The following UBR1 variants were observed in gnomAD, a reference collection of about 807,000 sequenced individuals.
UBR1 encodes the protein E3 ubiquitin-protein ligase UBR1.
Under a neutral mutation model 242.1 loss-of-function variants are expected in UBR1, and 102 were observed. The observed-to-expected ratio is 0.42, with a 90% confidence interval of 0.36 to 0.50. UBR1 has a LOEUF of 0.50. Ranked by LOEUF, UBR1 falls within the 20% of genes least tolerant of loss-of-function variation. The probability of loss-of-function intolerance (pLI) is 0.01; values close to 1 mark genes in which losing one functional copy is unlikely to be tolerated. For synonymous variants in UBR1, 675 were observed against 684.8 expected (o/e 0.99, Z 0.22); for missense variants, 1,772 against 2,101.8 (o/e 0.84, Z 3.07).
rs963044429 is a variant in UBR1 at position 43,003,479 on chromosome 15, C to A, written c.3509+358G>T. 87 of 337,254 alleles carry A rather than the reference C, an allele frequency of 2.6e-4. No individual in the cohort carries two copies. In the East Asian group the frequency reaches 2.6e-3, roughly 10 times the overall value. The allele number at this position is 337,254 out of a possible 1,614,324, so 20.9% of individuals were successfully genotyped here. ...CCACGTTGGCCAGGCTGGTCTCAAA[C>A]TCCTGACCTCAGGTGATCCTCCTGC... On this transcript the variant is annotated intron_variant, in intron 31 of 46. Transcript: ENST00000290650.
intron 5 of UBR1, among the ~76,000 whole-genome samples, chr15:43,068,364 AT>A (rs2033782317): frequency 6.6e-6 from 1 of 151,376 alleles, no homozygotes; most frequent in Non-Finnish European, 1.5e-5. Context: ...TAATTTTTGT[AT>A]TTTTTGTAGA....
intron 35 of UBR1, among the ~76,000 whole-genome samples, chr15:42,985,413 C>T (rs1238437948): frequency 6.6e-6 from 1 of 151,966 alleles, no homozygotes; most frequent in African/African-American, 2.4e-5. Context: ...AGTGCAATGG[C>T]GCGATCTCGG....
At chr15:42,960,109 T>G (rs1250056762) in intron 43 of UBR1, among the ~76,000 whole-genome samples, 5 of 152,154 alleles carry the variant, frequency 3.3e-5, no homozygotes, top group African/African-American at 1.2e-4. Flanking sequence ...GAGACTATAT[T>G]AGGGGAGGCT....
chr15:43,064,273 CAG>C (rs2033726145), intron 6 of UBR1, among the ~76,000 whole-genome samples: 2 of 152,150 alleles, frequency 1.3e-5, no homozygotes, highest in Non-Finnish European at 2.9e-5. Flanking sequence ...TTGAAGAAAA[CAG>C]AGGAAAGCAA....
Position 43,002,551 on chromosome 15 carries a change from A to G in UBR1, c.3659+4T>C. 1 of 1,613,704 alleles carries G rather than the reference A, an allele frequency of 6.2e-7. No individual in the cohort carries two copies. The highest frequency in any genetic ancestry group is 2.2e-5 in the East Asian group (1 of 44,864). ...AATTAACCAAAACATAAATTAAAAT[A>G]TACCTGTTTATCTTTTGAGGTTGCA... On this transcript the variant is annotated splice_donor_region_variant and intron_variant, in intron 32 of 46. Coordinates refer to ENST00000290650, the MANE Select transcript of UBR1 (RefSeq NM_174916.3).
At chr15:43,101,992 A>AAAAC (rs1491023877) in intron 1 of UBR1, among the ~76,000 whole-genome samples, 1 of 149,214 alleles carries the variant, frequency 6.7e-6, no homozygotes, top group African/African-American at 2.5e-5. Context: ...AAAAAAAAAA[A>AAAAC]AGCCAGGCAT....
chr15:43,038,286 T>G, intron 15 of UBR1, 54 bp from the exon 16 acceptor site: 2 of 1,542,862 alleles, frequency 1.3e-6, no homozygotes, highest in Non-Finnish European at 1.8e-6. Flanking sequence ...ATTTGTTAAC[T>G]AGTTAACTCA....
chr15:43,066,343 A>AG (rs2033752043), intron 6 of UBR1, among the ~76,000 whole-genome samples: 1 of 152,184 alleles, frequency 6.6e-6, no homozygotes, highest in African/African-American at 2.4e-5. Context: ...CTTTTGTACC[A>AG]GTACCATGCT....
intron 36 of UBR1, 69 bp from the exon 37 acceptor site, chr15:42,984,062 AG>A: frequency 7.7e-7 from 1 of 1,299,296 alleles, no homozygotes; most frequent in East Asian, 2.5e-5. Flanking sequence ...TCCACTTAAG[AG>A]TTGGTAAAAA....
rs985792161 is a variant in UBR1, at chr15:43,070,838, T to C, written c.616A>G (p.Ile206Val). 1.2e-6 allele frequency: 2 copies of C among 1,613,888 alleles called. No individual in the cohort carries two copies. Among genetic ancestry groups the C allele is most frequent in the Non-Finnish European group, 1.7e-6 (2 of 1,179,986 alleles). ...SVIKYVVEMTIWEEEKELPPE... is the reference protein window; with the variant it reads ...SVIKYVVEMTVWEEEKELPPE... The stretch of plus-strand genomic sequence containing the variant: ...GGCAGTTCTTTTTCCTCTTCCCATA[T>C]AGTCATTTCTACGACATATTTTATC... The change falls in exon 5 of 47, where the codon ATA becomes GTA. Residue 206 changes from isoleucine (I) to valine (V), a missense_variant. Around this residue, in one of 3 missense-constraint regions of UBR1, gnomAD observed 734 missense variants for 893.3 expected, o/e 0.82. Coordinates refer to ENST00000290650, the MANE Select transcript of UBR1 (RefSeq NM_174916.3).
chr15:42,965,240 A>C (rs531896865), intron 41 of UBR1, among the ~76,000 whole-genome samples: 9 of 152,298 alleles, frequency 5.9e-5, no homozygotes, highest in Admixed American at 5.9e-4. Context: ...CTTATTCTCA[A>C]AGGACAAAAG....
rs1053447941 is a variant in UBR1, at chr15:43,085,996, G to C, written c.326C>G (p.Thr109Ser). The change falls in exon 2 of 47, where the codon ACC becomes AGC. Residue 109 changes from threonine to serine, a missense_variant. This residue lies in a region of UBR1 where 734 missense variants were observed against 893.3 expected (regional missense o/e 0.82). Coordinates refer to ENST00000290650, the MANE Select transcript of UBR1 (RefSeq NM_174916.3). ...CGRVFKSGET[T>S]YSCRDCAIDP... Reference sequence around the variant, plus strand: ...TTCTAATTCTTACCTGCAAGAATAGGTTGTCTCTCCACTTTTGAAAACCCT... The same window carrying C: ...TTCTAATTCTTACCTGCAAGAATAGCTTGTCTCTCCACTTTTGAAAACCCT... 6.2e-7 allele frequency: 1 copy of C among 1,613,654 alleles called. No individual in the cohort carries two copies. The highest frequency in any genetic ancestry group is 8.5e-7 in the Non-Finnish European group (1 of 1,179,934).
At position 43,070,928 on chromosome 15, in the gene UBR1, AT is replaced by A; in HGVS notation, c.529-4del. On this transcript the variant is annotated splice_polypyrimidine_tract_variant and splice_region_variant and intron_variant, in intron 4 of 46. Transcript: ENST00000290650. ...TCATTCAACGGACAGCGTGAATTCT[AT>A]AAAAAAGCCGAGAAAAACATACTAG... The A allele has an allele frequency of 6.2e-7, 1 of 1,612,858 alleles. No individual in the cohort carries two copies. Among genetic ancestry groups the A allele is most frequent in the Non-Finnish European group, 8.5e-7 (1 of 1,179,926 alleles).
Position 43,059,773 on chromosome 15 carries a change from G to A in UBR1, c.914C>T (p.Ser305Leu). ...QHPLHVEVLH[S>L]EIMAHQKFAL... ...AAATTTCTGATGAGCCATAATCTCT[G>A]AGTGTAATACTTCTACATGAAGTGG... The change falls in exon 8 of 47, where the codon TCA (serine) becomes TTA (leucine). Residue 305 changes from serine to leucine, a missense_variant. Ser to Leu is a moderately radical substitution (Grantham distance 145). This residue lies in a region of UBR1 where 734 missense variants were observed against 893.3 expected (regional missense o/e 0.82). Coordinates refer to ENST00000290650, the MANE Select transcript of UBR1 (RefSeq NM_174916.3). 1 of 1,614,014 alleles carries A rather than the reference G, an allele frequency of 6.2e-7. No individual in the cohort carries two copies. Among genetic ancestry groups the A allele is most frequent in the Non-Finnish European group, 8.5e-7 (1 of 1,179,968 alleles).
intron 12 of UBR1, among the ~76,000 whole-genome samples, chr15:43,054,453 G>T (rs2033592644): frequency 6.6e-6 from 1 of 152,036 alleles, no homozygotes; most frequent in South Asian, 2.1e-4. Flanking sequence ...GGAAGTGAAT[G>T]AAAAGTATGG....
rs2031674832 is a variant in UBR1, at chr15:42,942,917, C to T, written c.*2412G>A. ...CCCTATTTTTCTTTTTAAATATACA[C>T]ATATATTTTATTTTAAAAAGCACAA... On this transcript the variant is annotated 3_prime_UTR_variant, in exon 47 of 47. Transcript: ENST00000290650. 6.6e-6 allele frequency: 1 copy of T among 152,524 alleles called. No individual in the cohort carries two copies. The highest frequency in any genetic ancestry group is 1.5e-5 in the Non-Finnish European group (1 of 68,022). 9.4% of individuals were successfully genotyped at this position (152,524 alleles called of 1,614,324 possible). A position where few individuals can be genotyped will look rare whatever the true frequency, so the allele number is the denominator to read the frequency against.
At chr15:43,031,692 A>G (rs961673621) in intron 20 of UBR1, among the ~76,000 whole-genome samples, 2 of 152,338 alleles carry the variant, frequency 1.3e-5, no homozygotes, top group African/African-American at 4.8e-5. Flanking sequence ...CGTTTGGTGC[A>G]GTAAAGTAAA....
At chr15:42,971,080 T>C (rs1018718058) in intron 39 of UBR1, among the ~76,000 whole-genome samples, 1 of 152,226 alleles carries the variant, frequency 6.6e-6, no homozygotes, top group African/African-American at 2.4e-5. Flanking sequence ...TTTATCTATA[T>C]ATTAGCTGGA....
chr15:43,059,028 T>C (rs2033650968), intron 9 of UBR1, 57 bp downstream of exon 9: 1 of 1,360,152 alleles, frequency 7.4e-7, no homozygotes, highest in African/African-American at 1.4e-5. Context: ...AGCTCCACTT[T>C]AAGGTCATAA....
Sources: allele counts gnomAD v4.1 joint callset (sites outside exome capture counted in the v4.1 genomes callset), GRCh38; gene constraint gnomAD v4.1.1; regional missense constraint gnomAD v4.1.1; transcripts MANE v1.5; gene names NCBI Gene and HGNC (gene_info 2026-07-23, HGNC 2026-07-21).